SLC4A8: variants seen among roughly 807,000 people sequenced by gnomAD.
SLC4A8 encodes the protein solute carrier family 4 member 8.
SLC4A8 carries 40 observed loss-of-function variants against 125.0 expected under a neutral mutation model. That is an observed-to-expected ratio of 0.32 (90% CI 0.25 to 0.42). The LOEUF (loss-of-function observed/expected upper bound fraction) is 0.42, where lower values mean the gene tolerates loss of function less well. SLC4A8 is among the 10% of genes least tolerant of loss of function. The probability of loss-of-function intolerance (pLI) is 1.00; values close to 1 mark genes in which losing one functional copy is unlikely to be tolerated. For synonymous variants in SLC4A8, 456 were observed against 476.0 expected (o/e 0.96, Z 0.55); for missense variants, 863 against 1,355.1 (o/e 0.64, Z 5.70).
At chr12:51,481,275 A>G (rs950138101) in intron 16 of SLC4A8, among the ~76,000 whole-genome samples, 2 of 151,908 alleles carry the variant, frequency 1.3e-5, no homozygotes, top group Non-Finnish European at 2.9e-5. Context: ...CTTTGTAATC[A>G]TCTCATTTTT....
intron 1 of SLC4A8, among the ~76,000 whole-genome samples, chr12:51,399,590 A>T (rs1948331371): frequency 6.6e-6 from 1 of 152,224 alleles, no homozygotes; most frequent in Non-Finnish European, 1.5e-5. Context: ...GTAGACGGAC[A>T]TATCAGCAGC....
chr12:51,483,354 CAA>C (rs370326518), intron 16 of SLC4A8, among the ~76,000 whole-genome samples: 3 of 138,232 alleles, frequency 2.2e-5, no homozygotes, highest in African/African-American at 2.6e-5. Flanking sequence ...TTCTCACACA[CAA>C]AAAAAAAAAA....
intron 1 of SLC4A8, among the ~76,000 whole-genome samples, chr12:51,417,350 A>ATTT (rs753191543): frequency 1.4e-5 from 2 of 143,166 alleles, no homozygotes; most frequent in South Asian, 2.2e-4. Flanking sequence ...TAGTTTTTGA[A>ATTT]TTTTTTTTTT....
chr12:51,495,066 T>C lies in SLC4A8; in HGVS notation c.2891T>C (p.Val964Ala). The C allele has an allele frequency of 6.2e-7, 1 of 1,614,134 alleles. No homozygotes were observed. The highest frequency in any genetic ancestry group is 8.5e-7 in the Non-Finnish European group (1 of 1,179,944). ...LFTLIQLTCL[V>A]LLWVIKASPA... is the part of the protein sequence containing the mutation. ...ACCCTCATCCAGTTGACCTGTCTCG[T>C]CCTGCTCTGGGTCATCAAGGCATCT... Residue 964 changes from valine (V) to alanine (A), a missense_variant, in exon 21 of 25, where the codon GTC becomes GCC. Transcript: ENST00000453097.
chr12:51,424,094 G>T (rs1351287139), upstream of SLC4A8, among the ~76,000 whole-genome samples: 1 of 139,698 alleles, frequency 7.2e-6, no homozygotes, highest in Admixed American at 7.1e-5. Flanking sequence ...AACCCAAAAG[G>T]TACCTTTCTT....
At chr12:51,461,511 T>C in intron 9 of SLC4A8, 1 of 414,178 alleles carries the variant, frequency 2.4e-6, no homozygotes, top group African/African-American at 2.0e-5. Context: ...TAATCAAGAA[T>C]GCAGAGAAAT....
chr12:51,460,008 G>T lies in SLC4A8; in HGVS notation c.913G>T (p.Val305Phe). 6.2e-7 allele frequency: 1 copy of T among 1,612,516 alleles called. No homozygotes were observed. The highest frequency in any genetic ancestry group is 2.2e-5 in the East Asian group (1 of 44,878). Reference sequence around the variant, plus strand: ...TGGGGCCGAGGCCTCCAATGTCCTGGTTGGAGAGGTGGATATTTTGGACCG... The same window carrying T: ...TGGGGCCGAGGCCTCCAATGTCCTGTTTGGAGAGGTGGATATTTTGGACCG... ...PTGAEASNVL[V>F]GEVDILDRPI... The change falls in exon 8 of 25, where the codon GTT becomes TTT. Residue 305 changes from valine to phenylalanine, a missense_variant. Physicochemically the swap from Val to Phe is conservative, Grantham distance 50. This residue lies in a region of SLC4A8 where 390 missense variants were observed against 634.4 expected (regional missense o/e 0.61). Coordinates refer to ENST00000453097, the MANE Select transcript of SLC4A8 (RefSeq NM_001039960.3).
Position 51,507,561 on chromosome 12 carries a change from TC to T in SLC4A8, c.*124del. ...AAGTCTGGCCCTGTCCTTGGTCATC[TC>T]AAAGCCATGCCGAAGCATTCAGTTA... On this transcript the variant is annotated 3_prime_UTR_variant, in exon 25 of 25. Transcript: ENST00000453097. 2 of 620,148 alleles carry T rather than the reference TC, an allele frequency of 3.2e-6. No homozygotes were observed. The highest frequency in any genetic ancestry group is 5.2e-6 in the Non-Finnish European group (2 of 388,044). 38.4% of individuals were successfully genotyped at this position (620,148 alleles called of 1,614,324 possible). A position where few individuals can be genotyped will look rare whatever the true frequency, so the allele number is the denominator to read the frequency against.
At chr12:51,459,234 A>T (rs1264894970) in intron 7 of SLC4A8, among the ~76,000 whole-genome samples, 1 of 152,174 alleles carries the variant, frequency 6.6e-6, no homozygotes, top group African/African-American at 2.4e-5. Flanking sequence ...AAGGCTTCCC[A>T]TTTTATTTGG....
At chr12:51,428,111 A>T (rs528286472) in intron 1 of SLC4A8, among the ~76,000 whole-genome samples, 7 of 152,106 alleles carry the variant, frequency 4.6e-5, no homozygotes, top group Non-Finnish European at 8.8e-5. Flanking sequence ...TGTGCCTGTC[A>T]TTCCCTCTGC....
At position 51,489,895 on chromosome 12, in the gene SLC4A8, G is replaced by A. The variant is rs1213377105; in HGVS notation, c.2644G>A (p.Gly882Ser). Residue 882 changes from glycine to serine, a missense_variant, in exon 19 of 25, where the codon GGC (glycine) becomes AGC (serine). Physicochemically the swap from Gly to Ser is moderately conservative, Grantham distance 56. Transcript: ENST00000453097. The part of the protein sequence containing the change: ...FLGIREQRVT[G>S]LMIFVLMGCS... ...GGGCATCCGAGAACAGAGAGTGACAGGCCTTATGATCTTTGTGCTGATGGG... is the reference window on the plus strand; with the variant it reads ...GGGCATCCGAGAACAGAGAGTGACAAGCCTTATGATCTTTGTGCTGATGGG... The A allele has an allele frequency of 2.5e-6, 4 of 1,614,214 alleles. No homozygotes were observed. Among genetic ancestry groups the A allele is most frequent in the Non-Finnish European group, 3.4e-6 (4 of 1,180,034 alleles).
chr12:51,473,216 C>G (rs1312756044), intron 14 of SLC4A8, among the ~76,000 whole-genome samples: 2 of 152,236 alleles, frequency 1.3e-5, no homozygotes, highest in Non-Finnish European at 2.9e-5. Flanking sequence ...TGCTCTCTCC[C>G]TACCCCCAAC....
chr12:51,458,033 G>A (rs191336588), intron 6 of SLC4A8, among the ~76,000 whole-genome samples: 141 of 152,176 alleles, frequency 9.3e-4, no homozygotes, highest in Admixed American at 1.5e-3. Flanking sequence ...AGTAATAATA[G>A]GACCTACTCC....
In SLC4A8 at chr12:51,514,570, A is replaced by G. The variant is rs1033609778; in HGVS notation, c.*7132A>G. ...CGGGGCTTTTTTGAAAGGGGACTTT[A>G]TGGTCATTTCCCCTGTTTAGGGTGA... On this transcript the variant is annotated 3_prime_UTR_variant, in exon 25 of 25. Transcript: ENST00000453097. 1.3e-5 allele frequency: 2 copies of G among 152,172 alleles called. No individual in the cohort carries two copies. Among genetic ancestry groups the G allele is most frequent in the Non-Finnish European group, 2.9e-5 (2 of 68,038 alleles). The allele number at this position is 152,172 out of a possible 1,614,324, so 9.4% of individuals were successfully genotyped here.
intron 1 of SLC4A8, among the ~76,000 whole-genome samples, chr12:51,393,683 C>A (rs1948205755): frequency 6.6e-6 from 1 of 152,144 alleles, no homozygotes; most frequent in Non-Finnish European, 1.5e-5. Flanking sequence ...GGACATTCTC[C>A]CAGGAGTAGA....
chr12:51,480,120 T>C (rs999890527), intron 16 of SLC4A8: 6 of 411,114 alleles, frequency 1.5e-5, no homozygotes, highest in Middle Eastern at 5.4e-4. Flanking sequence ...TTTGTATTTT[T>C]AGTAGAGACG....
chr12:51,457,722 C>T (rs755355083), intron 6 of SLC4A8, among the ~76,000 whole-genome samples, 183 bp downstream of exon 6: 9 of 152,128 alleles, frequency 5.9e-5, no homozygotes, highest in African/African-American at 1.7e-4. Flanking sequence ...CTCTCTCTCA[C>T]GGCATTCCTC....
intron 1 of SLC4A8, among the ~76,000 whole-genome samples, chr12:51,400,082 C>A (rs1331264313): frequency 5.3e-5 from 8 of 152,072 alleles, no homozygotes; most frequent in African/African-American, 1.7e-4. Context: ...TGGGCAGAGG[C>A]CATGCAGACC....
chr12:51,476,336 T>C (rs1417855566), intron 16 of SLC4A8, among the ~76,000 whole-genome samples: 2 of 151,904 alleles, frequency 1.3e-5, no homozygotes, highest in Non-Finnish European at 2.9e-5. Context: ...CAAAAGTTAG[T>C]TGGGCATGGT....
Sources: gnomAD v4.1 joint callset for allele counts (sites outside exome capture counted in the v4.1 genomes callset) on GRCh38, gnomAD v4.1.1 for gene constraint, gnomAD v4.1.1 regional missense constraint, MANE v1.5 for transcripts, NCBI Gene and HGNC (gene_info 2026-07-23, HGNC 2026-07-21) for gene names.